KCTD7: variants seen among roughly 807,000 people sequenced by gnomAD.
The protein encoded by KCTD7 is potassium channel tetramerization domain containing 7.
KCTD7 carries 15 observed loss-of-function variants against 27.0 expected under a neutral mutation model. The ratio of observed to expected loss-of-function variants is 0.56; its 90% CI spans 0.37 to 0.86. The LOEUF is 0.86. KCTD7 is among the 40% of genes least tolerant of loss of function. The pLI is 0.00. For missense variants in KCTD7, 299 were observed against 398.9 expected (o/e 0.75, Z 2.13); for synonymous variants, 159 against 162.7 (o/e 0.98, Z 0.17).
rs149284284 is a variant in KCTD7, at chr7:66,636,228, C to T, written c.315-2025C>T. On this transcript the variant is annotated intron_variant, in intron 2 of 3. Coordinates refer to ENST00000639828, the MANE Select transcript of KCTD7 (RefSeq NM_153033.5). Reference sequence around the variant, plus strand: ...GGCTGCTTGGGCCTCAGTCTGGGGTCGTTCCCCATTGTCATCAGCTTGCTG... The same window carrying T: ...GGCTGCTTGGGCCTCAGTCTGGGGTTGTTCCCCATTGTCATCAGCTTGCTG... Among the ~76,000 whole-genome samples, 648 of 152,030 alleles carry T rather than the reference C, an allele frequency of 4.3e-3. 2 individuals are homozygous for T. The highest frequency in any genetic ancestry group is 5.5e-3 in the Non-Finnish European group (372 of 67,992).
Position 66,640,462 on chromosome 7 carries a change from C to T in KCTD7, c.*1230C>T. 1 of 1,536,806 alleles carries T rather than the reference C, an allele frequency of 6.5e-7. No individual in the cohort carries two copies. The highest frequency in any genetic ancestry group is 8.7e-7 in the Non-Finnish European group (1 of 1,146,692). On this transcript the variant is annotated 3_prime_UTR_variant, in exon 4 of 4. Transcript: ENST00000639828. ...TTCTTGCTCTGTCTACAGCCTAGGC[C>T]AACTAGTCAGGGTCTGGACATGCAT... is the stretch of plus-strand genomic sequence containing the variant.
rs927833835 is a variant in KCTD7 at position 66,628,904 on chromosome 7, T to C, written c.-161T>C. 6.5e-6 allele frequency: 4 copies of C among 613,002 alleles called. No homozygotes were observed. Among genetic ancestry groups the C allele is most frequent in the Non-Finnish European group, 9.7e-6 (4 of 410,412 alleles). 38.0% of individuals were successfully genotyped at this position (613,002 alleles called of 1,614,324 possible). On this transcript the variant is annotated 5_prime_UTR_variant, in exon 1 of 4. Transcript: ENST00000639828. ...CCAGCTGGGCGCGAGCGGGTCGGCG[T>C]TGAGGGAGCCACCGCCCTCCCGCCT...
At chr7:66,633,967 G>A (rs997381308) in intron 2 of KCTD7, among the ~76,000 whole-genome samples, 2 of 151,646 alleles carry the variant, frequency 1.3e-5, no homozygotes, top group African/African-American at 2.4e-5. Context: ...CAGCCTGGGC[G>A]ACACGAGATT....
intron 1 of KCTD7, among the ~76,000 whole-genome samples, chr7:66,632,118 G>A (rs1786461048): frequency 6.6e-6 from 1 of 152,182 alleles, no homozygotes; most frequent in African/African-American, 2.4e-5. Context: ...TCACAGATGA[G>A]GGGAACTTGA....
rs1282371080 is a variant in KCTD7, at chr7:66,639,130, T to G, written c.768T>G (p.Gly256=). The change falls in exon 4 of 4, where the codon GGT becomes GGG. Residue 256 remains glycine (G), a synonymous_variant. Coordinates refer to ENST00000639828, the MANE Select transcript of KCTD7 (RefSeq NM_153033.5). ...TGGTCACGGACCTCTCGGCCCAGGG[T>G]CTCACCGTGGACCACCAGTGCATCG... The part of the protein sequence containing the change: ...HCLVTDLSAQ[G]LTVDHQCIGV... 1 of 1,613,930 alleles carries G rather than the reference T, an allele frequency of 6.2e-7. No homozygotes were observed. Among genetic ancestry groups the G allele is most frequent in the Admixed American group, 1.7e-5 (1 of 59,982 alleles).
At chr7:66,630,385 G>A (rs769439720) in intron 1 of KCTD7, among the ~76,000 whole-genome samples, 3 of 152,188 alleles carry the variant, frequency 2.0e-5, no homozygotes, top group Non-Finnish European at 4.4e-5. Flanking sequence ...GAGGCCAGGA[G>A]TCTGGGACCA....
Position 66,633,386 on chromosome 7 carries a change from T to C in KCTD7, c.256T>C (p.Tyr86His), listed in dbSNP as rs149255570. ...GGCAGCCATGTTCAGTGGGCGGCAC[T>C]ACATCCCCACGGACTCCGAGGGCCG... is the stretch of plus-strand genomic sequence containing the variant. ...MLAAMFSGRH[Y>H]IPTDSEGRYF... The change falls in exon 2 of 4, where the codon TAC becomes CAC. Residue 86 changes from tyrosine to histidine, a missense_variant. Transcript: ENST00000639828. 2.4e-4 allele frequency: 384 copies of C among 1,614,084 alleles called. 1 individual carries two copies. Among genetic ancestry groups the C allele is most frequent in the South Asian group, 5.8e-4 (53 of 91,082 alleles).
chr7:66,636,695 C>T (rs1786594581), intron 2 of KCTD7, among the ~76,000 whole-genome samples: 2 of 152,148 alleles, frequency 1.3e-5, no homozygotes. Context: ...ACTGCTTGAG[C>T]CCAGGAGTTA....
At chr7:66,633,593 A>ATT (rs200130485) in intron 2 of KCTD7, 149 bp downstream of exon 2, 822 of 635,022 alleles carry the variant, frequency 1.3e-3, no homozygotes, top group Non-Finnish European at 1.5e-3. Context: ...AAAGAGATCA[A>ATT]TTTTTTTTTT....
In KCTD7 at chr7:66,638,667, C is replaced by T. The variant is rs570299167; in HGVS notation, c.494-189C>T. 10 of 808,636 alleles carry T rather than the reference C, an allele frequency of 1.2e-5. No homozygotes were observed. The African/African-American group carries it at 1.5e-4, about 12-fold the overall frequency. The allele number at this position is 808,636 out of a possible 1,614,324, so 50.1% of individuals were successfully genotyped here. ...AGGACAGCCCTCGTCCCATTGGCTT[C>T]CCTTTGCTGTGGAGAACCGTGACCC... is the stretch of plus-strand genomic sequence containing the variant. On this transcript the variant is annotated intron_variant, in intron 3 of 3. Transcript: ENST00000639828.
chr7:66,638,349 C>T lies in KCTD7; in HGVS notation c.411C>T (p.Leu137=), dbSNP rs374072904. The T allele has an allele frequency of 7.7e-5, 124 of 1,614,132 alleles. No individual in the cohort carries two copies. The highest frequency in any genetic ancestry group is 1.0e-4 in the Admixed American group (6 of 60,010). Residue 137 remains leucine, a synonymous_variant, in exon 3 of 4, where the codon CTC becomes CTT. Coordinates refer to ENST00000639828, the MANE Select transcript of KCTD7 (RefSeq NM_153033.5). The part of the protein sequence containing the change: ...KEAQYYAIGP[L]LEQLENMQPL... ...CCCAGTACTATGCCATCGGGCCCCTCCTGGAGCAGCTGGAGAACATGCAGC... is the reference window on the plus strand; with the variant it reads ...CCCAGTACTATGCCATCGGGCCCCTTCTGGAGCAGCTGGAGAACATGCAGC...
At chr7:66,633,792 G>A (rs1168805482) in intron 2 of KCTD7, among the ~76,000 whole-genome samples, 1 of 151,748 alleles carries the variant, frequency 6.6e-6, no homozygotes, top group Admixed American at 6.6e-5. Context: ...TTCCAGACCA[G>A]CTCATTACAG....
intron 2 of KCTD7, among the ~76,000 whole-genome samples, chr7:66,637,828 CAACTG>C (rs1562649328): frequency 1.3e-5 from 2 of 151,998 alleles, no homozygotes; most frequent in African/African-American, 4.8e-5. Flanking sequence ...CTTAAAAAAA[CAACTG>C]AACTGTACAG....
At chr7:66,635,264 A>G (rs1372380761) in intron 2 of KCTD7, among the ~76,000 whole-genome samples, 1 of 152,150 alleles carries the variant, frequency 6.6e-6, no homozygotes, top group African/African-American at 2.4e-5. Flanking sequence ...CTCCTGCCTC[A>G]GACTGCCAAA....
chr7:66,642,186 T>C lies in KCTD7; in HGVS notation c.*2954T>C. ...AGACTGAAGCAAAACCACACTGAAA[T>C]GCATCCCACTCCAGGAGAGGAATTC... On this transcript the variant is annotated 3_prime_UTR_variant, in exon 4 of 4. Transcript: ENST00000639828. 7.1e-6 allele frequency: 7 copies of C among 985,402 alleles called. No homozygotes were observed. The South Asian group carries it at 1.4e-4, about 20-fold the overall frequency. 61.0% of individuals were successfully genotyped at this position (985,402 alleles called of 1,614,324 possible).
In KCTD7 at chr7:66,639,587, G is replaced by A. The variant is rs909540261; in HGVS notation, c.*355G>A. On this transcript the variant is annotated 3_prime_UTR_variant, in exon 4 of 4. Transcript: ENST00000639828. ...GAGTTTCTGCCCATTTTAGAGCCAC[G>A]TTACCAAATCGATGTAGGCCTAATC... is the stretch of plus-strand genomic sequence containing the variant. 2.7e-5 allele frequency: 37 copies of A among 1,351,040 alleles called. No individual in the cohort carries two copies. The highest frequency in any genetic ancestry group is 2.2e-4 in the East Asian group (7 of 32,278). 83.7% of individuals were successfully genotyped at this position (1,351,040 alleles called of 1,614,324 possible).
intron 1 of KCTD7, among the ~76,000 whole-genome samples, chr7:66,632,523 A>G (rs975761041): frequency 6.6e-6 from 1 of 151,882 alleles, no homozygotes. Flanking sequence ...GGCACATAGC[A>G]GATGACTCTC....
At position 66,640,545 on chromosome 7, in the gene KCTD7, A is replaced by G; in HGVS notation, c.*1313A>G. 1 of 1,473,162 alleles carries G rather than the reference A, an allele frequency of 6.8e-7. No homozygotes were observed. Among genetic ancestry groups the G allele is most frequent in the Non-Finnish European group, 9.0e-7 (1 of 1,116,894 alleles). 91.3% of individuals were successfully genotyped at this position (1,473,162 alleles called of 1,614,324 possible). A position where few individuals can be genotyped will look rare whatever the true frequency, so the allele number is the denominator to read the frequency against. ...TCACAATGTAACATTTCCATGCTGC[A>G]TTAAGGGTGTCTCTCTCTAATCATG... On this transcript the variant is annotated 3_prime_UTR_variant, in exon 4 of 4. Transcript: ENST00000639828.
chr7:66,639,160 G>A lies in KCTD7; in HGVS notation c.798G>A (p.Val266=). The A allele has an allele frequency of 2.5e-6, 4 of 1,614,140 alleles. No individual in the cohort carries two copies. Among genetic ancestry groups the A allele is most frequent in the Non-Finnish European group, 3.4e-6 (4 of 1,180,036 alleles). ...GLTVDHQCIG[V]CDKHLVNHYY... is the part of the protein sequence containing the mutation. ...CCGTGGACCACCAGTGCATCGGGGT[G>A]TGTGACAAGCACCTCGTGAACCACT... Residue 266 remains valine, a synonymous_variant, in exon 4 of 4, where the codon GTG becomes GTA. Coordinates refer to ENST00000639828, the MANE Select transcript of KCTD7 (RefSeq NM_153033.5).
Sources: allele counts gnomAD v4.1 joint callset (sites outside exome capture counted in the v4.1 genomes callset), GRCh38; gene constraint gnomAD v4.1.1; transcripts MANE v1.5; gene names NCBI Gene and HGNC (gene_info 2026-07-23, HGNC 2026-07-21).